The following SPECC1L variants were observed in gnomAD, a reference collection of about 807,000 sequenced individuals.
SPECC1L encodes sperm antigen with calponin homology and coiled-coil domains 1 like, also known as cytospin-A.
Under a neutral mutation model 116.8 loss-of-function variants are expected in SPECC1L, and 40 were observed. The observed-to-expected ratio is 0.34, with a 90% CI of 0.27 to 0.45. The LOEUF is 0.45. SPECC1L is among the 20% of genes least tolerant of loss of function. The pLI, the probability that SPECC1L is intolerant of heterozygous loss-of-function variation, is 1.00. For missense variants in SPECC1L, 1,110 were observed against 1,373.6 expected (o/e 0.81, Z 3.03); for synonymous variants, 504 against 500.6 (o/e 1.01, Z -0.09).
Position 24,322,147 on chromosome 22 carries a change from T to G in SPECC1L, c.1167T>G (p.Ser389Arg). 3 of 1,613,928 alleles carry G rather than the reference T, an allele frequency of 1.9e-6. No individual in the cohort carries two copies. The highest frequency in any genetic ancestry group is 2.7e-5 in the African/African-American group (2 of 75,040). The stretch of plus-strand genomic sequence containing the variant: ...GGAAGGGGAGCAGCGGGAATGCCAG[T>G]GAAGTGTCCGTGGCTTGCCTGACTG... ...RSRKGSSGNA[S>R]EVSVACLTER... Residue 389 changes from serine to arginine, a missense_variant, in exon 5 of 17, where the codon AGT (serine) becomes AGG (arginine). Ser to Arg is a moderately radical substitution (Grantham distance 110). Around this residue, in one of 4 missense-constraint regions of SPECC1L, gnomAD observed 437 missense variants for 482.6 expected, o/e 0.91. Coordinates refer to ENST00000314328, the MANE Select transcript of SPECC1L (RefSeq NM_015330.6).
chr22:24,272,439 G>C (rs572767800), intron 1 of SPECC1L, among the ~76,000 whole-genome samples: 11 of 152,236 alleles, frequency 7.2e-5, no homozygotes, highest in Non-Finnish European at 1.5e-4. Context: ...TTGGGAGGCC[G>C]AGGCGGGTGG....
chr22:24,293,268 A>G (rs2049190574), intron 2 of SPECC1L, among the ~76,000 whole-genome samples: 1 of 152,170 alleles, frequency 6.6e-6, no homozygotes, highest in Admixed American at 6.5e-5. Context: ...ATCCTGGCCA[A>G]CATAGTTAAA....
At chr22:24,390,867 CTTTTCTTTT>C (rs2042252613) in intron 14 of SPECC1L, among the ~76,000 whole-genome samples, 1 of 47,612 alleles carries the variant, frequency 2.1e-5, no homozygotes, top group East Asian at 6.2e-4. Flanking sequence ...TTTTTTTTTT[CTTTTCTTTT>C]TTTTTTTTTT....
intron 14 of SPECC1L, among the ~76,000 whole-genome samples, chr22:24,396,938 C>T (rs1050510069): frequency 6.6e-6 from 1 of 152,224 alleles, no homozygotes; most frequent in African/African-American, 2.4e-5. Context: ...GCAGGGCGCT[C>T]TGCTTGAACA....
At chr22:24,312,180 C>T (rs2040475006) in intron 3 of SPECC1L, among the ~76,000 whole-genome samples, 1 of 152,094 alleles carries the variant, frequency 6.6e-6, no homozygotes, top group Non-Finnish European at 1.5e-5. Flanking sequence ...CCTATGTTGC[C>T]CAGGCTGGTG....
chr22:24,311,680 C>G (rs1388323134), intron 3 of SPECC1L, among the ~76,000 whole-genome samples: 1 of 151,920 alleles, frequency 6.6e-6, no homozygotes, highest in Admixed American at 6.6e-5. Context: ...TGGCGCATGC[C>G]TGTAGTCCTA....
At chr22:24,304,734 T>A (rs73396348) in intron 3 of SPECC1L, among the ~76,000 whole-genome samples, 1 of 152,254 alleles carries the variant, frequency 6.6e-6, no homozygotes. Context: ...TAATTGATAT[T>A]TCTCCATGAT....
intron 8 of SPECC1L, among the ~76,000 whole-genome samples, chr22:24,330,955 T>G (rs1448866481): frequency 6.6e-6 from 1 of 152,242 alleles, no homozygotes; most frequent in Non-Finnish European, 1.5e-5. Context: ...CAGTATACTT[T>G]AGCTGGTATT....
chr22:24,414,674 C>A lies in SPECC1L; in HGVS notation c.*51C>A. Reference sequence around the variant, plus strand: ...AGCGGGGGTACCCCTCCACAGCGACCGAGCGACACCGACGCCATTAGCTAC... The same window carrying A: ...AGCGGGGGTACCCCTCCACAGCGACAGAGCGACACCGACGCCATTAGCTAC... On this transcript the variant is annotated 3_prime_UTR_variant, in exon 17 of 17. Transcript: ENST00000314328. The A allele has an allele frequency of 6.6e-7, 1 of 1,512,804 alleles. No individual in the cohort carries two copies. Among genetic ancestry groups the A allele is most frequent in the South Asian group, 1.1e-5 (1 of 88,494 alleles). 93.7% of individuals were successfully genotyped at this position (1,512,804 alleles called of 1,614,324 possible). A position where few individuals can be genotyped will look rare whatever the true frequency, so the allele number is the denominator to read the frequency against.
chr22:24,358,872 A>T (rs750629968), intron 11 of SPECC1L, among the ~76,000 whole-genome samples: 5 of 152,244 alleles, frequency 3.3e-5, no homozygotes, highest in African/African-American at 4.8e-5. Context: ...AGAATTAACT[A>T]GCAGACCTAG....
At chr22:24,368,275 G>A (rs1160471326) in intron 13 of SPECC1L, among the ~76,000 whole-genome samples, 2 of 152,150 alleles carry the variant, frequency 1.3e-5, no homozygotes, top group African/African-American at 2.4e-5. Context: ...CCTTGGGATA[G>A]GGGCCCTGTG....
intron 14 of SPECC1L, among the ~76,000 whole-genome samples, chr22:24,383,792 A>AATTTTTTTTT (rs2042105646): frequency 9.1e-5 from 7 of 77,336 alleles, no homozygotes; most frequent in Non-Finnish European, 7.0e-5. Flanking sequence ...ACCCACCACT[A>AATTTTTTTTT]TTTTTTTTTT....
chr22:24,289,020 G>A (rs138879784), intron 2 of SPECC1L, among the ~76,000 whole-genome samples: 1,647 of 152,246 alleles, frequency 0.011, 28 homozygotes, highest in African/African-American at 0.036. Context: ...TCACATCAGA[G>A]GTTGTTATAA....
At position 24,292,497 on chromosome 22, in the gene SPECC1L, T is replaced by A. The variant is rs1232948209; in HGVS notation, c.-37-9698T>A. 6.6e-5 allele frequency among the ~76,000 whole-genome samples: 10 copies of A among 152,208 alleles called. No individual in the cohort carries two copies. In the East Asian group the frequency reaches 1.7e-3, roughly 26 times the overall value. The stretch of plus-strand genomic sequence containing the variant: ...CTATAAACTAGATTTTATCAGTTCT[T>A]TTTTATAGGAGAAGAAACAGATTTG... On this transcript the variant is annotated intron_variant, in intron 2 of 16. Transcript: ENST00000314328.
At position 24,347,149 on chromosome 22, in the gene SPECC1L, C is replaced by G. The variant is rs748095542; in HGVS notation, c.2716C>G (p.Pro906Ala). ...CCTGACAGCCCTGTCAGATAAGAGA[C>G]CAAACTATGGGGAAATCCCTGTTCA... ...KPLTALSDKR[P>A]NYGEIPVQEH... Residue 906 changes from proline (P) to alanine (A), a missense_variant, in exon 11 of 17, where the codon CCA (proline) becomes GCA (alanine). By Grantham distance (27) the Pro-to-Ala change is conservative. Around this residue, in one of 4 missense-constraint regions of SPECC1L, gnomAD observed 575 missense variants for 682.4 expected, o/e 0.84. Transcript: ENST00000314328. The G allele has an allele frequency of 6.2e-7, 1 of 1,613,874 alleles. No homozygotes were observed. The highest frequency in any genetic ancestry group is 2.2e-5 in the East Asian group (1 of 44,840).
intron 5 of SPECC1L, among the ~76,000 whole-genome samples, chr22:24,323,989 A>G (rs931924224): frequency 3.3e-5 from 5 of 152,240 alleles, no homozygotes; most frequent in South Asian, 2.1e-4. Flanking sequence ...AAGTTCAATG[A>G]TACATCAATA....
intron 14 of SPECC1L, among the ~76,000 whole-genome samples, chr22:24,393,891 A>G (rs551725408): frequency 7.2e-5 from 11 of 152,230 alleles, no homozygotes; most frequent in African/African-American, 2.6e-4. Flanking sequence ...CTGTTGCTGT[A>G]TATTGTTTGT....
intron 14 of SPECC1L, among the ~76,000 whole-genome samples, chr22:24,385,195 C>G (rs2042139363): frequency 6.6e-6 from 1 of 151,292 alleles, no homozygotes; most frequent in Admixed American, 6.6e-5. Flanking sequence ...TTCAGTGTGG[C>G]TATAATATTT....
chr22:24,284,434 T>C (rs1051075455), intron 2 of SPECC1L, among the ~76,000 whole-genome samples: 1 of 152,036 alleles, frequency 6.6e-6, no homozygotes, highest in Admixed American at 6.5e-5. Context: ...TTTTATTTTA[T>C]TTTATTTTAT....
Sources: gnomAD v4.1 joint callset for allele counts (sites outside exome capture counted in the v4.1 genomes callset) on GRCh38, gnomAD v4.1.1 for gene constraint, gnomAD v4.1.1 regional missense constraint, MANE v1.5 for transcripts, NCBI Gene and HGNC (gene_info 2026-07-23, HGNC 2026-07-21) for gene names.